The following NYAP2 variants were observed in gnomAD, a reference collection of about 807,000 sequenced individuals.
NYAP2 encodes the protein neuronal tyrosine-phosphorylated phosphoinositide-3-kinase adaptor 2.
In NYAP2, 23 loss-of-function variants were observed where a neutral mutation model predicts 50.4. The ratio of observed to expected loss-of-function variants is 0.46; its 90% CI spans 0.33 to 0.65. The LOEUF (loss-of-function observed/expected upper bound fraction) is 0.65. Ranked by LOEUF, NYAP2 falls within the 30% of genes least tolerant of loss-of-function variation. The pLI, the probability that NYAP2 is intolerant of heterozygous loss-of-function variation, is 0.02. For missense variants in NYAP2, 885 were observed against 861.0 expected (o/e 1.03, Z -0.35); for synonymous variants, 394 against 365.2 (o/e 1.08, Z -0.90).
chr2:225,584,029 A>G (rs1415972643), intron 5 of NYAP2, among the ~76,000 whole-genome samples: 1 of 152,152 alleles, frequency 6.6e-6, no homozygotes, highest in African/African-American at 2.4e-5. Context: ...GCGATAGAGC[A>G]AGACTCTGTC....
At chr2:225,433,196 G>A (rs1689297482) in intron 3 of NYAP2, among the ~76,000 whole-genome samples, 1 of 151,934 alleles carries the variant, frequency 6.6e-6, no homozygotes, top group Non-Finnish European at 1.5e-5. Flanking sequence ...CACTAAGAAA[G>A]CCATTTTAGC....
chr2:225,684,799 C>G, the NYAP2 span, among the ~76,000 whole-genome samples: 2 of 152,138 alleles, frequency 1.3e-5, no homozygotes, highest in African/African-American at 4.8e-5. Flanking sequence ...GATCTGCCCC[C>G]CTCGGCCTCC....
At chr2:225,590,222 G>T (rs2106235109) in intron 5 of NYAP2, among the ~76,000 whole-genome samples, 2 of 152,312 alleles carry the variant, frequency 1.3e-5, no homozygotes, top group Middle Eastern at 3.4e-3. Context: ...ACCTCCTGTG[G>T]CCTCAGACTG....
the NYAP2 span, among the ~76,000 whole-genome samples, chr2:225,685,230 T>G: frequency 6.6e-6 from 1 of 152,174 alleles, no homozygotes; most frequent in East Asian, 1.9e-4. Context: ...ACCACATGTT[T>G]ACTGAGAAGT....
intron 4 of NYAP2, 92 bp from the exon 5 acceptor site, chr2:225,581,849 C>T (rs1295998018): frequency 1.6e-6 from 2 of 1,285,042 alleles, no homozygotes; most frequent in South Asian, 1.5e-5. Context: ...CCCCTCTGGC[C>T]TAAAGTTTAT....
At chr2:225,508,194 A>T (rs1050988135) in intron 3 of NYAP2, among the ~76,000 whole-genome samples, 2 of 152,208 alleles carry the variant, frequency 1.3e-5, no homozygotes, top group Non-Finnish European at 2.9e-5. Flanking sequence ...ATAACATGAG[A>T]TGTGTCAGGC....
At chr2:225,642,279 G>A (rs562895902) in intron 6 of NYAP2, among the ~76,000 whole-genome samples, 15 of 151,896 alleles carry the variant, frequency 9.9e-5, no homozygotes, top group Non-Finnish European at 2.1e-4. Context: ...GAAGTGGTAT[G>A]TAATTTATTA....
intron 3 of NYAP2, among the ~76,000 whole-genome samples, chr2:225,505,242 G>A (rs762874496): frequency 6.6e-6 from 1 of 152,056 alleles, no homozygotes; most frequent in Non-Finnish European, 1.5e-5. Flanking sequence ...GGAAATTAAT[G>A]TCTGAAAAAA....
chr2:225,465,450 C>A (rs1689901278), intron 3 of NYAP2, among the ~76,000 whole-genome samples: 1 of 152,116 alleles, frequency 6.6e-6, no homozygotes, highest in Non-Finnish European at 1.5e-5. Context: ...GGCGCATTGG[C>A]TCATGCCTGT....
chr2:225,527,002 C>T (rs975958318), intron 4 of NYAP2, among the ~76,000 whole-genome samples: 1 of 152,114 alleles, frequency 6.6e-6, no homozygotes, highest in East Asian at 1.9e-4. Flanking sequence ...TTTTTCTAAA[C>T]GTACCCTGAG....
intron 3 of NYAP2, among the ~76,000 whole-genome samples, chr2:225,501,216 G>A (rs1005692301): frequency 3.9e-5 from 6 of 152,156 alleles, no homozygotes; most frequent in African/African-American, 1.2e-4. Flanking sequence ...ACTGGCTTAA[G>A]GTTTGAGAGT....
chr2:225,426,697 A>C (rs1180034774), intron 3 of NYAP2, among the ~76,000 whole-genome samples: 1 of 152,200 alleles, frequency 6.6e-6, no homozygotes, highest in Non-Finnish European at 1.5e-5. Flanking sequence ...GTTCACTTTT[A>C]ATAAGACAAG....
chr2:225,430,104 C>G (rs540638852), intron 3 of NYAP2, among the ~76,000 whole-genome samples: 206 of 152,220 alleles, frequency 1.4e-3, no homozygotes, highest in African/African-American at 4.7e-3. Context: ...TCTTTCTCTT[C>G]CTCTCTTCTT....
chr2:225,572,452 G>A (rs553706674), intron 4 of NYAP2, among the ~76,000 whole-genome samples: 2 of 152,200 alleles, frequency 1.3e-5, no homozygotes, highest in African/African-American at 4.8e-5. Context: ...GTGCAGGAGA[G>A]AGAATGAGTG....
chr2:225,468,503 GA>G (rs1197582631), intron 3 of NYAP2, among the ~76,000 whole-genome samples: 1 of 152,166 alleles, frequency 6.6e-6, no homozygotes, highest in Non-Finnish European at 1.5e-5. Context: ...AACAAGTGGG[GA>G]AAGAAATACA....
chr2:225,611,481 A>G (rs567029122), intron 5 of NYAP2, among the ~76,000 whole-genome samples: 3 of 152,104 alleles, frequency 2.0e-5, no homozygotes, highest in Admixed American at 1.3e-4. Flanking sequence ...CCCCTCTTCC[A>G]ACTTGCCATG....
chr2:225,674,423 G>C, the NYAP2 span, among the ~76,000 whole-genome samples: 1 of 152,122 alleles, frequency 6.6e-6, no homozygotes, highest in Non-Finnish European at 1.5e-5. Context: ...GCTGTAGGAA[G>C]GGTTAGTGTG....
At chr2:225,684,406 CTTT>C in the NYAP2 span, among the ~76,000 whole-genome samples, 6 of 138,752 alleles carry the variant, frequency 4.3e-5, no homozygotes, top group Admixed American at 1.4e-4. Flanking sequence ...TTCTCTCTCT[CTTT>C]TTTTTTTTTT....
At chr2:225,625,473 A>C (rs374037679) in intron 5 of NYAP2, among the ~76,000 whole-genome samples, 9 of 152,292 alleles carry the variant, frequency 5.9e-5, no homozygotes, top group African/African-American at 2.2e-4. Context: ...TGCAGAGATG[A>C]CCATGACCCT....
Sources: allele counts gnomAD v4.1 joint callset (sites outside exome capture counted in the v4.1 genomes callset), GRCh38; gene constraint gnomAD v4.1.1; transcripts MANE v1.5; gene names NCBI Gene and HGNC (gene_info 2026-07-23, HGNC 2026-07-21).